NDST4: variants seen among roughly 807,000 people sequenced by gnomAD.
NDST4 encodes the protein N-deacetylase and N-sulfotransferase 4.
NDST4 carries 63 observed loss-of-function variants against 100.8 expected under a neutral mutation model. That is an observed-to-expected ratio of 0.62 (90% CI 0.51 to 0.77). The LOEUF (loss-of-function observed/expected upper bound fraction) is 0.77. Among genes scored for constraint, NDST4 ranks in the 30% least tolerant of loss-of-function variants. The pLI, the probability that NDST4 is intolerant of heterozygous loss-of-function variation, is 0.00. For missense variants in NDST4, 943 were observed against 1,018.4 expected, an observed-to-expected ratio of 0.93 and a Z score of 1.01; for synonymous variants, 377 against 361.8, an observed-to-expected ratio of 1.04 and a Z score of -0.48.
At chr4:114,928,016 C>G (rs1349789280) in intron 6 of NDST4, among the ~76,000 whole-genome samples, 1 of 152,128 alleles carries the variant, frequency 6.6e-6, no homozygotes. Flanking sequence ...ACTTTGATAC[C>G]TAGCAAAATG....
At chr4:114,958,718 A>C (rs987576306) in intron 4 of NDST4, among the ~76,000 whole-genome samples, 1 of 151,810 alleles carries the variant, frequency 6.6e-6, no homozygotes, top group Admixed American at 6.6e-5. Context: ...CGTTTTCCCC[A>C]TTGTCTTGGT....
At chr4:114,914,855 A>G (rs1725136493) in intron 6 of NDST4, among the ~76,000 whole-genome samples, 1 of 152,076 alleles carries the variant, frequency 6.6e-6, no homozygotes, top group Non-Finnish European at 1.5e-5. Context: ...TTAATGTTTC[A>G]TTAACTTATT....
Position 114,850,558 on chromosome 4 carries a change from C to T in NDST4, c.1816+2167G>A, listed in dbSNP as rs544487580. The stretch of plus-strand genomic sequence containing the variant: ...TTAATTTTCTATCAATTTCTTTTAC[C>T]TCATTTCCTTTTATATCAACTTCTT... On this transcript the variant is annotated intron_variant, in intron 8 of 13. Transcript: ENST00000264363. 2.4e-4 allele frequency among the ~76,000 whole-genome samples: 36 copies of T among 152,078 alleles called. No homozygotes were observed. In the South Asian group the frequency reaches 7.1e-3, roughly 30 times the overall value.
At chr4:114,928,237 A>C (rs192715769) in intron 6 of NDST4, among the ~76,000 whole-genome samples, 168 of 152,262 alleles carry the variant, frequency 1.1e-3, no homozygotes, top group African/African-American at 3.9e-3. Context: ...AAGCTGGCTT[A>C]TTGTTTTCTT....
At position 114,827,785 on chromosome 4, in the gene NDST4, ATCT is replaced by A; in HGVS notation, c.*28_*30del. The stretch of plus-strand genomic sequence containing the variant: ...TTATTTTTTTTTTAACACTAAAAGT[ATCT>A]TGAGAGGCTTAGTTCTTGTCTCCAG... On this transcript the variant is annotated 3_prime_UTR_variant, in exon 14 of 14. Coordinates refer to ENST00000264363, the MANE Select transcript of NDST4 (RefSeq NM_022569.3). 6.3e-7 allele frequency: 1 copy of A among 1,598,842 alleles called. No individual in the cohort carries two copies. Among genetic ancestry groups the A allele is most frequent in the Non-Finnish European group, 8.5e-7 (1 of 1,175,632 alleles).
intron 6 of NDST4, among the ~76,000 whole-genome samples, chr4:114,879,523 T>C (rs1407013454): frequency 1.3e-5 from 2 of 152,156 alleles, no homozygotes; most frequent in Admixed American, 1.3e-4. Context: ...ACTCACTACC[T>C]GACATATTAT....
intron 2 of NDST4, among the ~76,000 whole-genome samples, chr4:115,073,688 TAC>T (rs1414031990): frequency 6.6e-6 from 1 of 151,918 alleles, no homozygotes; most frequent in Non-Finnish European, 1.5e-5. Flanking sequence ...TCGGTTAAAG[TAC>T]ACAAAATTTC....
At chr4:114,977,150 A>C (rs764464471) in intron 3 of NDST4, 37 bp downstream of exon 3, 1 of 1,238,972 alleles carries the variant, frequency 8.1e-7, no homozygotes, top group South Asian at 1.3e-5. Flanking sequence ...TTTCCTATTT[A>C]TATGTAGCTG....
chr4:115,030,767 G>A (rs1728097527), intron 2 of NDST4, among the ~76,000 whole-genome samples: 1 of 152,016 alleles, frequency 6.6e-6, no homozygotes, highest in Non-Finnish European at 1.5e-5. Context: ...TTAAACATGT[G>A]TATGAGATAA....
chr4:114,911,491 C>A (rs1725060939), intron 6 of NDST4, among the ~76,000 whole-genome samples: 2 of 151,984 alleles, frequency 1.3e-5, no homozygotes, highest in Admixed American at 6.6e-5. Context: ...TTTGTCACTC[C>A]CCCTTATAAT....
At position 115,042,724 on chromosome 4, in the gene NDST4, C is replaced by T. The variant is rs550104293; in HGVS notation, c.978+33335G>A. On this transcript the variant is annotated intron_variant, in intron 2 of 13. Coordinates refer to ENST00000264363, the MANE Select transcript of NDST4 (RefSeq NM_022569.3). ...ATCCCCTGGCGGTGAGGGGAGACTA[C>T]TGCACTCATTATATACTAGGCATCT... 8.7e-4 allele frequency among the ~76,000 whole-genome samples: 132 copies of T among 152,146 alleles called. No individual in the cohort carries two copies. In the Middle Eastern group the frequency reaches 0.01, roughly 12 times the overall value.
At chr4:115,037,157 G>C (rs577228274) in intron 2 of NDST4, among the ~76,000 whole-genome samples, 4 of 151,934 alleles carry the variant, frequency 2.6e-5, no homozygotes, top group Non-Finnish European at 5.9e-5. Context: ...AAGGATAGTG[G>C]TCATTAATGA....
chr4:114,932,911 C>G (rs545950186), intron 6 of NDST4, among the ~76,000 whole-genome samples: 38 of 152,080 alleles, frequency 2.5e-4, no homozygotes, highest in Non-Finnish European at 4.6e-4. Flanking sequence ...AATGATCTAC[C>G]AATTCAATGA....
chr4:114,868,872 C>G (rs534193525), intron 7 of NDST4, among the ~76,000 whole-genome samples: 1 of 150,906 alleles, frequency 6.6e-6, no homozygotes, highest in Non-Finnish European at 1.5e-5. Context: ...GTTATTCTCT[C>G]TCTTATGATG....
intron 6 of NDST4, among the ~76,000 whole-genome samples, chr4:114,910,431 A>T (rs1311947139): frequency 6.6e-6 from 1 of 152,086 alleles, no homozygotes; most frequent in Non-Finnish European, 1.5e-5. Context: ...GCCTGTGTGT[A>T]TGTGTGTCTG....
At chr4:115,065,138 G>A (rs1177589270) in intron 2 of NDST4, among the ~76,000 whole-genome samples, 2 of 151,912 alleles carry the variant, frequency 1.3e-5, no homozygotes, top group South Asian at 2.1e-4. Context: ...CTACTTCTGC[G>A]AGGACTTTCC....
rs1727458314 is a variant in NDST4, at chr4:115,007,963, T to C, written c.979-30689A>G. Reference sequence around the variant, plus strand: ...GGTTCCAAAGATGCTAGAATAAAATTTATTTTTAAATCCACCACACAATGG... The same window carrying C: ...GGTTCCAAAGATGCTAGAATAAAATCTATTTTTAAATCCACCACACAATGG... On this transcript the variant is annotated intron_variant, in intron 2 of 13. Coordinates refer to ENST00000264363, the MANE Select transcript of NDST4 (RefSeq NM_022569.3). Among the ~76,000 whole-genome samples, 2 of 129,414 alleles carry C rather than the reference T, an allele frequency of 1.5e-5. 1 individual carries two copies. Among genetic ancestry groups the C allele is most frequent in the Admixed American group, 1.6e-4 (2 of 12,702 alleles). The allele number at this position is 129,414 out of a possible 152,430, so 84.9% of individuals were successfully genotyped here.
intron 4 of NDST4, among the ~76,000 whole-genome samples, chr4:114,954,139 T>C (rs1726083487): frequency 6.6e-6 from 1 of 152,202 alleles, no homozygotes; most frequent in African/African-American, 2.4e-5. Flanking sequence ...TGCTCTGTCT[T>C]CCAGGGAAAT....
chr4:114,900,475 T>C (rs954616537), intron 6 of NDST4, among the ~76,000 whole-genome samples: 1 of 152,174 alleles, frequency 6.6e-6, no homozygotes, highest in Non-Finnish European at 1.5e-5. Flanking sequence ...GGACTATGTA[T>C]ACAAGGATGG....
Sources: gnomAD v4.1 joint callset for allele counts (sites outside exome capture counted in the v4.1 genomes callset) on GRCh38, gnomAD v4.1.1 for gene constraint, MANE v1.5 for transcripts, NCBI Gene and HGNC (gene_info 2026-07-23, HGNC 2026-07-21) for gene names.